The following FOXRED2 variants were observed in gnomAD, a reference collection of about 807,000 sequenced individuals.
The protein encoded by FOXRED2 is FAD-dependent oxidoreductase domain-containing protein 2.
In FOXRED2, 32 loss-of-function variants were observed where a neutral mutation model predicts 52.5. That is an observed-to-expected ratio of 0.61 (90% CI 0.46 to 0.82). The LOEUF (loss-of-function observed/expected upper bound fraction) is 0.82. FOXRED2 is among the 40% of genes least tolerant of loss of function. FOXRED2 has a pLI of 0.00. For missense variants in FOXRED2, 848 were observed against 937.5 expected (o/e 0.90, Z 1.25); for synonymous variants, 405 against 398.1 (o/e 1.02, Z -0.21).
chr22:36,506,297 G>A lies in FOXRED2; in HGVS notation c.126C>T (p.Gly42=), dbSNP rs759732363. 3.8e-6 allele frequency: 6 copies of A among 1,578,204 alleles called. No individual in the cohort carries two copies. In the South Asian group the frequency reaches 6.9e-5, roughly 18 times the overall value. The change falls in exon 2 of 9, where the codon GGC becomes GGT. Residue 42 remains glycine (G), a synonymous_variant. Transcript: ENST00000397224. Reference sequence around the variant, plus strand: ...GCTGCAGGAAGTAGGCCATCTGCAGGCCCGCGGGCCCAGCGCCCAGCACGC... The same window carrying A: ...GCTGCAGGAAGTAGGCCATCTGCAGACCCGCGGGCCCAGCGCCCAGCACGC... ...DYCVLGAGPA[G]LQMAYFLQRA...
At chr22:36,491,601 C>T (rs1933758203) in intron 8 of FOXRED2, among the ~76,000 whole-genome samples, 1 of 152,088 alleles carries the variant, frequency 6.6e-6, no homozygotes, top group Non-Finnish European at 1.5e-5. Flanking sequence ...GAGAGGGTTT[C>T]ACCATGTTGG....
intron 6 of FOXRED2, among the ~76,000 whole-genome samples, chr22:36,497,568 T>C (rs1933934986): frequency 6.6e-6 from 1 of 152,028 alleles, no homozygotes; most frequent in Non-Finnish European, 1.5e-5. Flanking sequence ...GAACTGTCCA[T>C]CCTCTGGGAT....
Position 36,504,721 on chromosome 22 carries a change from G to A in FOXRED2, c.573C>T (p.Asp191=). The A allele has an allele frequency of 1.9e-6, 3 of 1,614,174 alleles. No individual in the cohort carries two copies. The highest frequency in any genetic ancestry group is 2.2e-5 in the East Asian group (1 of 44,884). Residue 191 remains aspartate (D), a synonymous_variant, in exon 3 of 9, where the codon GAC becomes GAT. Coordinates refer to ENST00000397224, the MANE Select transcript of FOXRED2 (RefSeq NM_001102371.2). ...ATGLSVPNQV[D]FPGSEYAEGY... Reference sequence around the variant, plus strand: ...CCTCTGCATATTCGGAGCCAGGGAAGTCAACCTGGTTGGGGACTGATAAAC... The same window carrying A: ...CCTCTGCATATTCGGAGCCAGGGAAATCAACCTGGTTGGGGACTGATAAAC...
chr22:36,496,643 T>C (rs1933907284), intron 6 of FOXRED2, among the ~76,000 whole-genome samples: 1 of 152,188 alleles, frequency 6.6e-6, no homozygotes, highest in Non-Finnish European at 1.5e-5. Flanking sequence ...GTGACACTGC[T>C]GGTTGCTTGG....
chr22:36,504,956 G>A (rs572432183), intron 2 of FOXRED2, among the ~76,000 whole-genome samples, 190 bp from the exon 3 acceptor site: 2 of 152,238 alleles, frequency 1.3e-5, no homozygotes, highest in African/African-American at 4.8e-5. Context: ...GCACTTGAGA[G>A]GCTCTGCCCT....
Position 36,501,236 on chromosome 22 carries a change from C to T in FOXRED2, c.1216+5G>A. The T allele has an allele frequency of 1.2e-5, 19 of 1,613,678 alleles. No homozygotes were observed. The highest frequency in any genetic ancestry group is 1.6e-5 in the Non-Finnish European group (19 of 1,179,936). On this transcript the variant is annotated splice_donor_5th_base_variant and intron_variant, in intron 5 of 8. Transcript: ENST00000397224. ...GGACAGTTCTGCCTTCTCAGCTGGG[C>T]TCACCTGTGTATCGGAATCCGTGGA... is the stretch of plus-strand genomic sequence containing the variant.
Position 36,489,101 on chromosome 22 carries a change from A to G in FOXRED2, c.*907T>C, listed in dbSNP as rs1240083338. The G allele has an allele frequency of 6.6e-6, 1 of 152,248 alleles. No homozygotes were observed. The highest frequency in any genetic ancestry group is 2.4e-5 in the African/African-American group (1 of 41,452). The allele number at this position is 152,248 out of a possible 1,614,324, so 9.4% of individuals were successfully genotyped here. A position where few individuals can be genotyped will look rare whatever the true frequency, so the allele number is the denominator to read the frequency against. ...ATGTCACCTTACACATGGTGAGCACATATGGGTGCCAGCCCGAGACAGCAG... is the reference window on the plus strand; with the variant it reads ...ATGTCACCTTACACATGGTGAGCACGTATGGGTGCCAGCCCGAGACAGCAG... On this transcript the variant is annotated 3_prime_UTR_variant, in exon 9 of 9. Transcript: ENST00000397224.
At chr22:36,492,777 CAA>C (rs1437959018) in intron 8 of FOXRED2, among the ~76,000 whole-genome samples, 1 of 152,160 alleles carries the variant, frequency 6.6e-6, no homozygotes, top group Non-Finnish European at 1.5e-5. Context: ...CTCGGCCTCC[CAA>C]AGTGTTGAGA....
chr22:36,495,444 T>C (rs753199431), intron 7 of FOXRED2, among the ~76,000 whole-genome samples: 4 of 152,220 alleles, frequency 2.6e-5, no homozygotes, highest in Non-Finnish European at 5.9e-5. Context: ...GTGCCTGCAG[T>C]GGGCTGGCAT....
Position 36,501,387 on chromosome 22 carries a change from C to T in FOXRED2, c.1070G>A (p.Gly357Glu). The T allele has an allele frequency of 6.2e-7, 1 of 1,614,120 alleles. No individual in the cohort carries two copies. Among genetic ancestry groups the T allele is most frequent in the South Asian group, 1.1e-5 (1 of 91,072 alleles). Reference sequence around the variant, plus strand: ...CGGGTACTTCTTGCCGAATGCATTTCCCGAGTTAAGTCTGAGGGACCTGTC... The same window carrying T: ...CGGGTACTTCTTGCCGAATGCATTTTCCGAGTTAAGTCTGAGGGACCTGTC... Reference protein sequence around the residue: ...IFNKSLRLNSGNAFGKKYPLI... With the variant: ...IFNKSLRLNSENAFGKKYPLI... Residue 357 changes from glycine (G) to glutamate (E), a missense_variant, in exon 5 of 9, where the codon GGA becomes GAA. Physicochemically the swap from Gly to Glu is moderately conservative, Grantham distance 98 (BLOSUM62 -2). Coordinates refer to ENST00000397224, the MANE Select transcript of FOXRED2 (RefSeq NM_001102371.2).
Position 36,501,288 on chromosome 22 carries a change from TCCA to T in FOXRED2, c.1166_1168del (p.Val389del), listed in dbSNP as rs1371667951. ...GAAGCCCCCAGCAGATTTCCGGTAGTCCACCGAGTGGCTGGCAGTACCCAGGAT... is the reference window on the plus strand; with the variant it reads ...GAAGCCCCCAGCAGATTTCCGGTAGTCCGAGTGGCTGGCAGTACCCAGGAT... On this transcript the variant is annotated inframe_deletion, in exon 5 of 9. Coordinates refer to ENST00000397224, the MANE Select transcript of FOXRED2 (RefSeq NM_001102371.2). The T allele has an allele frequency of 1.9e-6, 3 of 1,613,976 alleles. No homozygotes were observed. The highest frequency in any genetic ancestry group is 2.5e-6 in the Non-Finnish European group (3 of 1,180,018).
At chr22:36,490,374 G>T (rs1603492084) in intron 8 of FOXRED2, 107 bp from the exon 9 acceptor site, 1 of 1,282,496 alleles carries the variant, frequency 7.8e-7, no homozygotes, top group South Asian at 1.4e-5. Flanking sequence ...TGCAGGCCTT[G>T]CCTGGTATCT....
At chr22:36,504,493 C>T in intron 3 of FOXRED2, 22 bp downstream of exon 3, 3 of 1,613,858 alleles carry the variant, frequency 1.9e-6, no homozygotes, top group South Asian at 1.1e-5. Flanking sequence ...GCACAGAACA[C>T]ACATGCGGGG....
chr22:36,494,999 C>T (rs188196802), intron 7 of FOXRED2, among the ~76,000 whole-genome samples: 1 of 152,072 alleles, frequency 6.6e-6, no homozygotes, highest in East Asian at 1.9e-4. Context: ...GGCTGGAGTG[C>T]AGTGGTACAA....
intron 4 of FOXRED2, among the ~76,000 whole-genome samples, chr22:36,502,237 C>T (rs892661727): frequency 1.3e-5 from 2 of 152,158 alleles, no homozygotes; most frequent in Admixed American, 6.5e-5. Context: ...GTAATCCTAG[C>T]ACTTTGGGAG....
chr22:36,501,330 C>G lies in FOXRED2; in HGVS notation c.1127G>C (p.Ser376Thr). The change falls in exon 5 of 9, where the codon AGC becomes ACC. Residue 376 changes from serine (S) to threonine (T), a missense_variant. Physicochemically the swap from Ser to Thr is moderately conservative, Grantham distance 58 (BLOSUM62 1). Transcript: ENST00000397224. ...LIRASYESKG[S>T]RGLFILGTAS... ...AGTACCCAGGATAAACAGACCCCGG[C>G]TTCCTTTGGATTCGTAGCTAGCTCG... The G allele has an allele frequency of 6.2e-7, 1 of 1,614,154 alleles. No individual in the cohort carries two copies. Among genetic ancestry groups the G allele is most frequent in the East Asian group, 2.2e-5 (1 of 44,886 alleles).
chr22:36,498,397 T>C (rs1370382431), intron 5 of FOXRED2: 5 of 513,968 alleles, frequency 9.7e-6, no homozygotes, highest in Non-Finnish European at 1.7e-5. Context: ...TTGTGGGTCA[T>C]ACACGACTCA....
rs527254692 is a variant in FOXRED2, at chr22:36,497,283, C to T, written c.1382+708G>A. 1.7e-3 allele frequency among the ~76,000 whole-genome samples: 249 copies of T among 150,826 alleles called. 1 individual carries two copies. Among genetic ancestry groups the T allele is most frequent in the Non-Finnish European group, 2.8e-3 (192 of 67,648 alleles). On this transcript the variant is annotated intron_variant, in intron 6 of 8. Coordinates refer to ENST00000397224, the MANE Select transcript of FOXRED2 (RefSeq NM_001102371.2). The stretch of plus-strand genomic sequence containing the variant: ...TGAACCCAGGAGGCAGATGTTGCAG[C>T]GAGCAGAGATCGCACCACTGCACTC...
At chr22:36,495,150 G>A (rs1933863408) in intron 7 of FOXRED2, among the ~76,000 whole-genome samples, 4 of 151,786 alleles carry the variant, frequency 2.6e-5, no homozygotes, top group Admixed American at 2.0e-4. Context: ...TTTTAGAGAT[G>A]GGGTTTCACC....
Sources: gnomAD v4.1 joint callset for allele counts (sites outside exome capture counted in the v4.1 genomes callset) on GRCh38, gnomAD v4.1.1 for gene constraint, MANE v1.5 for transcripts, NCBI Gene and HGNC (gene_info 2026-07-23, HGNC 2026-07-21) for gene names.